Variants in C6orf89 observed in about 807,000 individuals in gnomAD.
C6orf89 encodes the protein bombesin receptor-activated protein C6orf89.
C6orf89 carries 29 observed loss-of-function variants against 40.7 expected under a neutral mutation model. That is an observed-to-expected ratio of 0.71 (90% CI 0.53 to 0.97). The LOEUF is 0.97. Ranked by LOEUF, C6orf89 falls within the 50% of genes least tolerant of loss-of-function variation. The probability of loss-of-function intolerance (pLI) is 0.00; values close to 1 mark genes in which losing one functional copy is unlikely to be tolerated. For synonymous variants in C6orf89, 165 were observed against 152.2 expected, an observed-to-expected ratio of 1.08 and a Z score of -0.62; for missense variants, 392 against 429.1, an observed-to-expected ratio of 0.91 and a Z score of 0.76.
chr6:36,904,608 G>A (rs2150698358), intron 4 of C6orf89, among the ~76,000 whole-genome samples: 1 of 152,296 alleles, frequency 6.6e-6, no homozygotes, highest in East Asian at 1.9e-4. Flanking sequence ...GGAGAATTAA[G>A]TGCAACTTAA....
upstream of C6orf89, among the ~76,000 whole-genome samples, chr6:36,885,514 T>A (rs1583142440): frequency 6.6e-6 from 1 of 152,206 alleles, no homozygotes. Flanking sequence ...CTCTCACTAA[T>A]GAGTGGGCTG....
In C6orf89 at chr6:36,902,276, T is replaced by G. The variant is rs1761753000; in HGVS notation, c.245T>G (p.Phe82Cys). ...LLTAYFVIQP[F>C]SPLAPEPVLS... ...ACTGCCTACTTTGTGATTCAACCTT[T>G]CAGCCCATTAGCACCTGAGCCAGTG... The change falls in exon 4 of 9, where the codon TTC becomes TGC. Residue 82 changes from phenylalanine to cysteine, a missense_variant. Phe to Cys is a radical substitution (Grantham distance 205). Coordinates refer to ENST00000480824, the MANE Select transcript of C6orf89 (RefSeq NM_001286635.2). The G allele has an allele frequency of 1.2e-6, 2 of 1,614,188 alleles. No individual in the cohort carries two copies. The highest frequency in any genetic ancestry group is 8.5e-7 in the Non-Finnish European group (1 of 1,180,030).
chr6:36,884,432 C>T (rs1476222925), upstream of C6orf89, among the ~76,000 whole-genome samples: 6 of 152,090 alleles, frequency 3.9e-5, no homozygotes, highest in Non-Finnish European at 7.4e-5. The surrounding 1 kb of genome is among the most constrained non-coding windows in gnomAD (Gnocchi z 4.0). Flanking sequence ...TGCTATTATC[C>T]GCCCGATAAT....
intron 2 of C6orf89, among the ~76,000 whole-genome samples, chr6:36,897,806 A>G (rs930860920): frequency 6.6e-6 from 1 of 152,196 alleles, no homozygotes; most frequent in Non-Finnish European, 1.5e-5. Context: ...GTTGTGTTGT[A>G]ACAACATGAC....
At chr6:36,879,876 C>T (rs1157647540) in intron 2 of C6orf89, among the ~76,000 whole-genome samples, 2 of 152,158 alleles carry the variant, frequency 1.3e-5, no homozygotes, top group Non-Finnish European at 2.9e-5. Flanking sequence ...CCATAGTTAG[C>T]TCTAAAAATT....
chr6:36,874,956 A>G (rs1371080965), intron 1 of C6orf89: 6 of 634,892 alleles, frequency 9.5e-6, no homozygotes, highest in Non-Finnish European at 1.6e-5. Flanking sequence ...GGGAGACGAG[A>G]AGAAGCTGGG....
intron 1 of C6orf89, among the ~76,000 whole-genome samples, chr6:36,872,320 T>C (rs960577034): frequency 2.0e-5 from 3 of 152,164 alleles, no homozygotes; most frequent in Non-Finnish European, 4.4e-5. Context: ...ACTGGGTAGA[T>C]GGAAAATAGG....
Position 36,886,028 on chromosome 6 carries a change from T to G in C6orf89, c.-120T>G. On this transcript the variant is annotated splice_region_variant and 5_prime_UTR_variant, in exon 1 of 9. The change abolishes an upstream ATG in the 5' untranslated region. Coordinates refer to ENST00000480824, the MANE Select transcript of C6orf89 (RefSeq NM_001286635.2). The stretch of plus-strand genomic sequence containing the variant: ...GAGCCCGAGGGGCGCGAGCCCCGCA[T>G]GTGAGTGACTGGGGCCCGAGGCTGG... 3.2e-6 allele frequency: 4 copies of G among 1,256,488 alleles called. No individual in the cohort carries two copies. The highest frequency in any genetic ancestry group is 3.2e-5 in the East Asian group (1 of 31,736). 77.8% of individuals were successfully genotyped at this position (1,256,488 alleles called of 1,614,324 possible). A position where few individuals can be genotyped will look rare whatever the true frequency, so the allele number is the denominator to read the frequency against.
intron 8 of C6orf89, 64 bp from the exon 9 acceptor site, chr6:36,923,283 C>T (rs558945341): frequency 4.9e-5 from 61 of 1,255,174 alleles, no homozygotes; most frequent in South Asian, 3.9e-4. Context: ...CTGCCTTGCT[C>T]GTGCCCACAG....
At position 36,928,041 on chromosome 6, in the gene C6orf89, T is replaced by A. The variant is rs1762743942; in HGVS notation, c.*4600T>A. ...GTGTCTCTGGTTTCCCTGCCCTGCA[T>A]AATTTAAGCATTAGTGCCAAATACA... On this transcript the variant is annotated 3_prime_UTR_variant, in exon 9 of 9. Coordinates refer to ENST00000480824, the MANE Select transcript of C6orf89 (RefSeq NM_001286635.2). The A allele has an allele frequency of 6.6e-6, 1 of 152,278 alleles. No individual in the cohort carries two copies. The highest frequency in any genetic ancestry group is 1.5e-5 in the Non-Finnish European group (1 of 68,070). 9.4% of individuals were successfully genotyped at this position (152,278 alleles called of 1,614,324 possible). A position where few individuals can be genotyped will look rare whatever the true frequency, so the allele number is the denominator to read the frequency against.
chr6:36,895,565 A>G (rs917668400), intron 2 of C6orf89, among the ~76,000 whole-genome samples: 12 of 152,226 alleles, frequency 7.9e-5, no homozygotes, highest in African/African-American at 2.7e-4. Flanking sequence ...AGATGTGTCT[A>G]TTCCTGACTT....
rs1475487252 is a variant in C6orf89 at position 36,886,858 on chromosome 6, C to G, written c.-120+830C>G. Among the ~76,000 whole-genome samples the G allele has an allele frequency of 2.0e-5, 3 of 152,262 alleles. No individual in the cohort carries two copies. The South Asian group carries it at 6.2e-4, about 32-fold the overall frequency. ...AATTTCCCTCTAGGGAATAACATGC[C>G]TTTAAAATAATAACTAATAAATTCA... On this transcript the variant is annotated intron_variant, in intron 1 of 8. Transcript: ENST00000480824.
intron 8 of C6orf89, among the ~76,000 whole-genome samples, chr6:36,920,489 G>A (rs1205163279): frequency 1.3e-5 from 2 of 152,138 alleles, no homozygotes; most frequent in African/African-American, 4.8e-5. Context: ...GCCCAGACTG[G>A]TTTTCCAATT....
At chr6:36,913,479 A>G (rs1352588048) in intron 4 of C6orf89, among the ~76,000 whole-genome samples, 1 of 152,030 alleles carries the variant, frequency 6.6e-6, no homozygotes, top group Non-Finnish European at 1.5e-5. Context: ...TCCCATGTGT[A>G]CTTGTGAAGC....
Position 36,927,247 on chromosome 6 carries a change from CA to C in C6orf89, c.*3807del, listed in dbSNP as rs1762712363. 1 of 152,232 alleles carries C rather than the reference CA, an allele frequency of 6.6e-6. No individual in the cohort carries two copies. Among genetic ancestry groups the C allele is most frequent in the African/African-American group, 2.4e-5 (1 of 41,448 alleles). 9.4% of individuals were successfully genotyped at this position (152,232 alleles called of 1,614,324 possible). On this transcript the variant is annotated 3_prime_UTR_variant, in exon 9 of 9. Coordinates refer to ENST00000480824, the MANE Select transcript of C6orf89 (RefSeq NM_001286635.2). ...TTCTACCAAAACCCAGCATAGGACT[CA>C]GTGTACACTTACTTTAAAACAAAAA...
At chr6:36,903,068 GT>G (rs11296726) in intron 4 of C6orf89, among the ~76,000 whole-genome samples, 37,794 of 152,014 alleles carry the variant, frequency 0.25, 4,981 homozygotes, top group African/African-American at 0.31. Flanking sequence ...TGAGAACAGT[GT>G]TAACATGTAA....
chr6:36,871,890 A>G (rs759765466), exon 1 of C6orf89: 13 of 1,556,456 alleles, frequency 8.4e-6, no homozygotes, highest in Non-Finnish European at 1.0e-5. Context: ...GGGAGAGGAC[A>G]ACAGCTCCAG....
intron 1 of C6orf89, among the ~76,000 whole-genome samples, chr6:36,891,358 G>A (rs1190472471): frequency 6.6e-6 from 1 of 152,202 alleles, no homozygotes; most frequent in Non-Finnish European, 1.5e-5. Flanking sequence ...ATTCCATGGT[G>A]TATATGTGCC....
chr6:36,882,033 GTTTACC>G (rs1774826766), upstream of C6orf89, among the ~76,000 whole-genome samples: 4 of 151,796 alleles, frequency 2.6e-5, no homozygotes, highest in South Asian at 8.3e-4. Flanking sequence ...AAAGGTTTTT[GTTTACC>G]TTTTAAATAA....
Sources: allele counts gnomAD v4.1 joint callset (sites outside exome capture counted in the v4.1 genomes callset), GRCh38; gene constraint gnomAD v4.1.1; non-coding constraint Gnocchi (gnomAD v3.1); transcripts MANE v1.5; gene names NCBI Gene and HGNC (gene_info 2026-07-23, HGNC 2026-07-21).